Variants in KIFAP3 observed in about 807,000 individuals in gnomAD.
The protein encoded by KIFAP3 is kinesin-associated protein 3.
In KIFAP3, 68 loss-of-function variants were observed where a neutral mutation model predicts 106.5. That is an observed-to-expected ratio of 0.64 (90% CI 0.53 to 0.78). The LOEUF (loss-of-function observed/expected upper bound fraction) is 0.78, where lower values mean the gene tolerates loss of function less well. Ranked by LOEUF, KIFAP3 falls within the 30% of genes least tolerant of loss-of-function variation. The pLI, the probability that KIFAP3 is intolerant of heterozygous loss-of-function variation, is 0.00. For synonymous variants in KIFAP3, 320 were observed against 311.5 expected, an observed-to-expected ratio of 1.03 and a Z score of -0.29; for missense variants, 780 against 941.8, an observed-to-expected ratio of 0.83 and a Z score of 2.25.
intron 19 of KIFAP3, among the ~76,000 whole-genome samples, chr1:169,944,776 G>A (rs1664339572): frequency 6.6e-6 from 1 of 152,148 alleles, no homozygotes; most frequent in South Asian, 2.1e-4. Context: ...CTTACAGCAA[G>A]CAGGTAATCC....
intron 19 of KIFAP3, among the ~76,000 whole-genome samples, chr1:169,946,362 C>T (rs1432333760): frequency 1.5e-5 from 2 of 134,258 alleles, no homozygotes; most frequent in Non-Finnish European, 3.4e-5. Flanking sequence ...TAAACCATGT[C>T]AAATGTATTA....
At chr1:169,979,769 G>T (rs1385606558) in intron 15 of KIFAP3, among the ~76,000 whole-genome samples, 1 of 151,988 alleles carries the variant, frequency 6.6e-6, no homozygotes, top group South Asian at 2.1e-4. Flanking sequence ...CTACTCCTAC[G>T]TGTGAACCTA....
intron 9 of KIFAP3, among the ~76,000 whole-genome samples, chr1:170,019,778 G>C (rs1215129091): frequency 1.3e-5 from 2 of 152,122 alleles, no homozygotes; most frequent in Non-Finnish European, 2.9e-5. Flanking sequence ...CAGTAACAAG[G>C]CAGGGATAGC....
At chr1:170,030,675 T>C (rs1299802792) in intron 8 of KIFAP3, among the ~76,000 whole-genome samples, 1 of 151,774 alleles carries the variant, frequency 6.6e-6, no homozygotes, top group Admixed American at 6.6e-5. Flanking sequence ...TTATGCTGAG[T>C]AAAAGACAAA....
intron 19 of KIFAP3, among the ~76,000 whole-genome samples, chr1:169,935,912 G>A (rs10919271): frequency 0.15 from 23,247 of 151,882 alleles, 1,870 homozygotes; most frequent in Middle Eastern, 0.2. Context: ...CTAATTCATG[G>A]AGGAACTGAG....
chr1:169,993,372 A>T, intron 10 of KIFAP3, among the ~76,000 whole-genome samples: 1 of 151,438 alleles, frequency 6.6e-6, no homozygotes, highest in Admixed American at 6.6e-5. Flanking sequence ...GGCCTCCCTA[A>T]GTGCTGGGAT....
Position 169,921,618 on chromosome 1 carries a change from A to T in KIFAP3, c.*58T>A. 1 of 1,366,768 alleles carries T rather than the reference A, an allele frequency of 7.3e-7. No individual in the cohort carries two copies. The highest frequency in any genetic ancestry group is 1.0e-6 in the Non-Finnish European group (1 of 963,398). 84.7% of individuals were successfully genotyped at this position (1,366,768 alleles called of 1,614,324 possible). ...CATTATTAGGCAAAGATCCAAAATT[A>T]ACCCAACCCACACAGATTTCTTCTA... On this transcript the variant is annotated 3_prime_UTR_variant, in exon 20 of 20. Transcript: ENST00000361580.
rs1662820571 is a variant in KIFAP3, at chr1:169,921,497, A to T, written c.*179T>A. 1.9e-6 allele frequency: 1 copy of T among 522,604 alleles called. No homozygotes were observed. Among genetic ancestry groups the T allele is most frequent in the African/African-American group, 1.9e-5 (1 of 52,130 alleles). 32.4% of individuals were successfully genotyped at this position (522,604 alleles called of 1,614,324 possible). On this transcript the variant is annotated 3_prime_UTR_variant, in exon 20 of 20. Transcript: ENST00000361580. Reference sequence around the variant, plus strand: ...TGATGAGTGAACAATGTCAGTATCAACTGTACTTAACAGAAGACAGAGGGG... The same window carrying T: ...TGATGAGTGAACAATGTCAGTATCATCTGTACTTAACAGAAGACAGAGGGG...
intron 1 of KIFAP3, among the ~76,000 whole-genome samples, chr1:170,058,660 T>C (rs1670975236): frequency 6.6e-6 from 1 of 150,524 alleles, no homozygotes; most frequent in South Asian, 2.1e-4. Context: ...CTTGTTTTAA[T>C]GTAATTACTA....
chr1:170,022,679 G>A (rs1455732433), intron 9 of KIFAP3, among the ~76,000 whole-genome samples: 1 of 151,928 alleles, frequency 6.6e-6, no homozygotes, highest in Non-Finnish European at 1.5e-5. Flanking sequence ...CACAATAAAA[G>A]GTAAAATCCA....
upstream of KIFAP3, among the ~76,000 whole-genome samples, chr1:170,076,267 AAG>A (rs1381542250): frequency 6.6e-6 from 1 of 152,204 alleles, no homozygotes; most frequent in African/African-American, 2.4e-5. Context: ...GCCAGAAAGA[AAG>A]AGAGAGCTGG....
At chr1:170,004,343 T>C (rs1667827246) in intron 10 of KIFAP3, among the ~76,000 whole-genome samples, 1 of 152,090 alleles carries the variant, frequency 6.6e-6, no homozygotes, top group Non-Finnish European at 1.5e-5. Context: ...CTTCACAGAA[T>C]TGGAAAAAAC....
chr1:169,964,691 G>A (rs1414127459), intron 17 of KIFAP3, among the ~76,000 whole-genome samples: 1 of 152,136 alleles, frequency 6.6e-6, no homozygotes, highest in East Asian at 1.9e-4. Flanking sequence ...GCACAGAGAT[G>A]TTGTTTACAA....
intron 19 of KIFAP3, among the ~76,000 whole-genome samples, chr1:169,945,032 A>G (rs1032460783): frequency 6.6e-6 from 1 of 152,100 alleles, no homozygotes; most frequent in Admixed American, 6.5e-5. Flanking sequence ...TGCCATCAAC[A>G]TGCCATCCAG....
rs187249619 is a variant in KIFAP3, at chr1:169,969,299, G to A, written c.1983+3214C>T. On this transcript the variant is annotated intron_variant, in intron 17 of 19. Transcript: ENST00000361580. ...GTAACTTCTCTTCAAGACGTTGTAA[G>A]ATACTTCTTAAAGTGTTCTCCCTTA... Among the ~76,000 whole-genome samples the A allele has an allele frequency of 5.0e-3, 755 of 152,006 alleles. 14 individuals are homozygous for A. The highest frequency in any genetic ancestry group is 0.015 in the Admixed American group (221 of 15,208).
intron 19 of KIFAP3, among the ~76,000 whole-genome samples, chr1:169,943,253 T>C (rs1390425161): frequency 2.0e-5 from 3 of 152,100 alleles, no homozygotes; most frequent in African/African-American, 7.2e-5. Flanking sequence ...TAAAATTACA[T>C]TTGAAAACCT....
At chr1:170,053,552 CA>C (rs1055958247) in intron 2 of KIFAP3, among the ~76,000 whole-genome samples, 3 of 149,682 alleles carry the variant, frequency 2.0e-5, no homozygotes, top group Non-Finnish European at 4.5e-5. Flanking sequence ...CAAAACAAAA[CA>C]AAAAAAAACC....
At chr1:170,069,852 C>T (rs972864305) in intron 1 of KIFAP3, among the ~76,000 whole-genome samples, 2 of 151,452 alleles carry the variant, frequency 1.3e-5, no homozygotes, top group African/African-American at 4.8e-5. Flanking sequence ...AATAAAAAGG[C>T]ATCCAGATTG....
rs1662823977 is a variant in KIFAP3, at chr1:169,921,562, A to G, written c.*114T>C. 2 of 766,300 alleles carry G rather than the reference A, an allele frequency of 2.6e-6. No individual in the cohort carries two copies. The highest frequency in any genetic ancestry group is 3.5e-5 in the African/African-American group (2 of 56,872). The allele number at this position is 766,300 out of a possible 1,614,324, so 47.5% of individuals were successfully genotyped here. On this transcript the variant is annotated 3_prime_UTR_variant, in exon 20 of 20. Coordinates refer to ENST00000361580, the MANE Select transcript of KIFAP3 (RefSeq NM_014970.4). ...CAGCTAACAACATATAAAAATAAAAACAAACACAGACCCACAATAACATCA... is the reference window on the plus strand; with the variant it reads ...CAGCTAACAACATATAAAAATAAAAGCAAACACAGACCCACAATAACATCA...
Sources: gnomAD v4.1 joint callset for allele counts (sites outside exome capture counted in the v4.1 genomes callset) on GRCh38, gnomAD v4.1.1 for gene constraint, MANE v1.5 for transcripts, NCBI Gene and HGNC (gene_info 2026-07-23, HGNC 2026-07-21) for gene names.